Variants in GRIK2 observed in about 807,000 individuals in gnomAD.
The protein encoded by GRIK2 is glutamate receptor ionotropic, kainate 2.
Under a neutral mutation model 100.3 loss-of-function variants are expected in GRIK2, and 32 were observed. The ratio of observed to expected loss-of-function variants is 0.32; its 90% CI spans 0.24 to 0.43. The LOEUF is 0.43. Ranked by LOEUF, GRIK2 falls within the 20% of genes least tolerant of loss-of-function variation. The pLI is 1.00. For missense variants in GRIK2, 843 were observed against 1,114.9 expected (o/e 0.76, Z 3.47); for synonymous variants, 417 against 389.4 (o/e 1.07, Z -0.83).
At chr6:101,853,952 A>ATATTTAGGG in intron 10 of GRIK2, among the ~76,000 whole-genome samples, 1 of 152,314 alleles carries the variant, frequency 6.6e-6, no homozygotes, top group African/African-American at 2.4e-5. Context: ...ATGTAAAAGC[A>ATATTTAGGG]CAGAGAATAT....
Position 101,441,508 on chromosome 6 carries a change from G to A in GRIK2, c.115+42116G>A, listed in dbSNP as rs114022082. Among the ~76,000 whole-genome samples, 916 of 152,152 alleles carry A rather than the reference G, an allele frequency of 6.0e-3. 4 individuals carry two copies. The highest frequency in any genetic ancestry group is 0.021 in the African/African-American group (887 of 41,510). ...TATATGCTTGTGCTACCCAGAACAC[G>A]GTATTATGCAGTTTAAGAGATTCTT... On this transcript the variant is annotated intron_variant, in intron 2 of 16. Coordinates refer to ENST00000369134, the MANE Select transcript of GRIK2 (RefSeq NM_021956.5).
Position 101,989,798 on chromosome 6 carries a change from C to A in GRIK2, c.2086-45543C>A, listed in dbSNP as rs139326032. On this transcript the variant is annotated intron_variant, in intron 14 of 16. Coordinates refer to ENST00000369134, the MANE Select transcript of GRIK2 (RefSeq NM_021956.5). ...ACACTTAAAGAAGGCTAATAAACTC[C>A]TCATTGATATGCAATAAATATTAGT... 9.0e-3 allele frequency among the ~76,000 whole-genome samples: 1,371 copies of A among 151,522 alleles called. 28 individuals are homozygous for A. The highest frequency in any genetic ancestry group is 0.031 in the African/African-American group (1,288 of 41,472).
Position 101,988,126 on chromosome 6 carries a change from TGTGTGTGCGCGCGCGCGCGCGCGCGCGC to T in GRIK2, c.2086-47211_2086-47184del, listed in dbSNP as rs202003362. Among the ~76,000 whole-genome samples, 102 of 17,218 alleles carry T rather than the reference TGTGTGTGCGCGCGCGCGCGCGCGCGCGC, an allele frequency of 5.9e-3. 2 individuals carry two copies. Among genetic ancestry groups the T allele is most frequent in the Non-Finnish European group, 8.5e-3 (64 of 7,514 alleles). The allele number at this position is 17,218 out of a possible 152,430, so 11.3% of individuals were successfully genotyped here. On this transcript the variant is annotated intron_variant, in intron 14 of 16. Transcript: ENST00000369134. Reference sequence around the variant, plus strand: ...GTGTGTGTGTGTGTGTGTGTGTGTGTGTGTGTGCGCGCGCGCGCGCGCGCGCGCGTGCGCGCACATGCAAGAGCATTCT... The same window carrying T: ...GTGTGTGTGTGTGTGTGTGTGTGTGTGTGCGCGCACATGCAAGAGCATTCT...
intron 16 of GRIK2, among the ~76,000 whole-genome samples, chr6:102,064,898 A>G (rs1464170530): frequency 6.6e-6 from 1 of 151,270 alleles, no homozygotes; most frequent in Non-Finnish European, 1.5e-5. Context: ...ATCTTGCTCA[A>G]ATCTAAAGAT....
intron 2 of GRIK2, among the ~76,000 whole-genome samples, chr6:101,577,373 A>G (rs1777840740): frequency 2.0e-5 from 3 of 152,116 alleles, no homozygotes; most frequent in Admixed American, 1.3e-4. Context: ...CTTTTAAATG[A>G]CACAATATTT....
At chr6:101,875,428 G>A (rs752940505) in intron 11 of GRIK2, among the ~76,000 whole-genome samples, 1 of 151,494 alleles carries the variant, frequency 6.6e-6, no homozygotes, top group Non-Finnish European at 1.5e-5. Flanking sequence ...CTTTCATTTT[G>A]CTTGGTAGAC....
chr6:101,806,323 C>T (rs577864847), intron 9 of GRIK2, among the ~76,000 whole-genome samples: 1 of 152,138 alleles, frequency 6.6e-6, no homozygotes, highest in South Asian at 2.1e-4. Flanking sequence ...ATTCTACTTT[C>T]AAAATATGTT....
At chr6:101,660,702 T>C (rs1236135113) in intron 4 of GRIK2, among the ~76,000 whole-genome samples, 1 of 152,164 alleles carries the variant, frequency 6.6e-6, no homozygotes, top group African/African-American at 2.4e-5. Flanking sequence ...TCCTTTCTGT[T>C]TGTTAGTTTT....
chr6:101,795,693 C>G (rs1195649501), intron 7 of GRIK2, among the ~76,000 whole-genome samples: 1 of 152,178 alleles, frequency 6.6e-6, no homozygotes, highest in African/African-American at 2.4e-5. Context: ...TGGACCAGCC[C>G]TCAGGAGAAG....
intron 12 of GRIK2, among the ~76,000 whole-genome samples, chr6:101,908,102 A>T (rs547716505): frequency 4.0e-5 from 6 of 151,736 alleles, no homozygotes; most frequent in African/African-American, 1.4e-4. Context: ...GTCCTACATC[A>T]TTCTGTCCGA....
At chr6:101,820,046 C>T (rs977696756) in intron 10 of GRIK2, among the ~76,000 whole-genome samples, 7 of 152,028 alleles carry the variant, frequency 4.6e-5, no homozygotes, top group East Asian at 3.9e-4. Context: ...TTTCAGGAAC[C>T]GTGTGTTTTA....
At chr6:102,052,153 C>T (rs1447111814) in intron 15 of GRIK2, among the ~76,000 whole-genome samples, 1 of 152,146 alleles carries the variant, frequency 6.6e-6, no homozygotes, top group Non-Finnish European at 1.5e-5. Flanking sequence ...TTGACTTCAG[C>T]TGGCATATTT....
chr6:101,482,395 G>T (rs746056960), intron 2 of GRIK2, among the ~76,000 whole-genome samples: 3 of 152,032 alleles, frequency 2.0e-5, no homozygotes, highest in Non-Finnish European at 4.4e-5. Context: ...AGTGAAATGG[G>T]TTGCAAAAGA....
At chr6:101,393,977 A>G (rs1026462327) in intron 1 of GRIK2, among the ~76,000 whole-genome samples, 140 bp downstream of exon 1, 1 of 152,184 alleles carries the variant, frequency 6.6e-6, no homozygotes, top group Non-Finnish European at 1.5e-5. Context: ...AGCGCTGCGG[A>G]CGTCCGTGCG....
At position 101,805,065 on chromosome 6, in the gene GRIK2, A is replaced by C. The variant is rs77799761; in HGVS notation, c.1203+2627A>C. 5.7e-4 allele frequency among the ~76,000 whole-genome samples: 87 copies of C among 152,078 alleles called. No homozygotes were observed. In the East Asian group the frequency reaches 0.016, roughly 28 times the overall value. ...AAAACACAGCGTCTTACACTGAATC[A>C]TGAGGCAACAGCAGTTATCTGCCTC... On this transcript the variant is annotated intron_variant, in intron 9 of 16. Coordinates refer to ENST00000369134, the MANE Select transcript of GRIK2 (RefSeq NM_021956.5).
intron 4 of GRIK2, among the ~76,000 whole-genome samples, chr6:101,641,636 G>T (rs1281903783): frequency 1.3e-5 from 2 of 151,742 alleles, no homozygotes; most frequent in Non-Finnish European, 2.9e-5. Flanking sequence ...TATTATTAAA[G>T]AAAACAACTG....
chr6:101,502,749 A>G (rs1773826205), intron 2 of GRIK2, among the ~76,000 whole-genome samples: 1 of 152,178 alleles, frequency 6.6e-6, no homozygotes, highest in African/African-American at 2.4e-5. Context: ...TGAAACACTA[A>G]AGACCAAATA....
At chr6:101,483,120 A>C (rs1772624046) in intron 2 of GRIK2, among the ~76,000 whole-genome samples, 1 of 152,106 alleles carries the variant, frequency 6.6e-6, no homozygotes, top group Non-Finnish European at 1.5e-5. Flanking sequence ...ACTTTTTTTT[A>C]AATCAGATAT....
chr6:102,028,214 C>G (rs1244548777), intron 14 of GRIK2, among the ~76,000 whole-genome samples: 1 of 151,126 alleles, frequency 6.6e-6, no homozygotes, highest in African/African-American at 2.4e-5. Flanking sequence ...TTTTAATACA[C>G]AAAATCATTT....
Sources: gnomAD v4.1 joint callset for allele counts (sites outside exome capture counted in the v4.1 genomes callset) on GRCh38, gnomAD v4.1.1 for gene constraint, MANE v1.5 for transcripts, NCBI Gene and HGNC (gene_info 2026-07-23, HGNC 2026-07-21) for gene names.